The following RGS6 variants were observed in gnomAD, a reference collection of about 807,000 sequenced individuals.
RGS6 encodes regulator of G protein signaling 6.
A neutral mutation model predicts 78.5 loss-of-function variants in RGS6; 30 were observed. That is an observed-to-expected ratio of 0.38 (90% CI 0.29 to 0.52). The LOEUF (loss-of-function observed/expected upper bound fraction) is 0.52. Ranked by LOEUF, RGS6 falls within the 20% of genes least tolerant of loss-of-function variation. The probability of loss-of-function intolerance (pLI) is 0.85; values close to 1 mark genes in which losing one functional copy is unlikely to be tolerated. For missense variants in RGS6, 495 were observed against 609.7 expected, an observed-to-expected ratio of 0.81 and a Z score of 1.98; for synonymous variants, 206 against 206.0, an observed-to-expected ratio of 1.00 and a Z score of 0.00.
intron 2 of RGS6, among the ~76,000 whole-genome samples, chr14:72,055,487 A>G (rs1405630304): frequency 6.6e-6 from 1 of 152,188 alleles, no homozygotes; most frequent in East Asian, 1.9e-4. Context: ...TCTCCCAGTT[A>G]TCTCACTACT....
chr14:72,550,818 G>A lies in RGS6; in HGVS notation c.1422+10724G>A, dbSNP rs143821625. 1.3e-3 allele frequency: 640 copies of A among 510,002 alleles called. 1 individual carries two copies. The highest frequency in any genetic ancestry group is 5.6e-3 in the Middle Eastern group (9 of 1,606). 31.6% of individuals were successfully genotyped at this position (510,002 alleles called of 1,614,324 possible). A position where few individuals can be genotyped will look rare whatever the true frequency, so the allele number is the denominator to read the frequency against. ...ATCATAGCTTGCTTGCTTGCTTTTTGTTGTTGTTTTGGTTTGGTTTTTGGG... is the reference window on the plus strand; with the variant it reads ...ATCATAGCTTGCTTGCTTGCTTTTTATTGTTGTTTTGGTTTGGTTTTTGGG... On this transcript the variant is annotated intron_variant, in intron 17 of 17. Transcript: ENST00000553525.
At chr14:72,009,499 T>C (rs1426994997) in intron 2 of RGS6, among the ~76,000 whole-genome samples, 1 of 152,220 alleles carries the variant, frequency 6.6e-6, no homozygotes, top group Admixed American at 6.5e-5. Context: ...CTTGGAAACT[T>C]GCATTTGGTT....
At chr14:72,293,807 T>C (rs1026500866) in intron 2 of RGS6, among the ~76,000 whole-genome samples, 1 of 152,206 alleles carries the variant, frequency 6.6e-6, no homozygotes, top group African/African-American at 2.4e-5. Flanking sequence ...TTGCAAACCG[T>C]ATAGTCTCTG....
intron 17 of RGS6, among the ~76,000 whole-genome samples, chr14:72,550,132 C>CTG (rs386381741): frequency 9.6e-6 from 1 of 103,728 alleles, no homozygotes; most frequent in African/African-American, 7.4e-5. Context: ...CTTTTTTCCT[C>CTG]TCCATCTTTT....
At chr14:72,548,714 C>T (rs999282311) in intron 17 of RGS6, among the ~76,000 whole-genome samples, 2 of 152,048 alleles carry the variant, frequency 1.3e-5, no homozygotes, top group Non-Finnish European at 2.9e-5. Flanking sequence ...ATGTCTAGCC[C>T]CCCAGCAGAC....
At chr14:71,967,965 C>T (rs557108745) in intron 2 of RGS6, among the ~76,000 whole-genome samples, 1 of 152,280 alleles carries the variant, frequency 6.6e-6, no homozygotes, top group Non-Finnish European at 1.5e-5. Flanking sequence ...TTTCCCAAGG[C>T]ATGACTTATT....
intron 2 of RGS6, among the ~76,000 whole-genome samples, chr14:72,276,825 A>T (rs4578585): frequency 2.0e-5 from 3 of 151,790 alleles, no homozygotes; most frequent in Non-Finnish European, 4.4e-5. Context: ...CCAGTCTCAG[A>T]TATGTCTTTA....
rs546040597 is a variant in RGS6 at position 72,078,570 on chromosome 14, C to G, written c.84+113695C>G. Among the ~76,000 whole-genome samples, 8 of 152,216 alleles carry G rather than the reference C, an allele frequency of 5.3e-5. No individual in the cohort carries two copies. In the South Asian group the frequency reaches 6.2e-4, roughly 12 times the overall value. ...CTGGGATTACAGGCGCCCGTCACCA[C>G]GCCTAGCTAATTTTTGTATTTTTTT... is the stretch of plus-strand genomic sequence containing the variant. On this transcript the variant is annotated intron_variant, in intron 2 of 17. Transcript: ENST00000553525.
intron 2 of RGS6, among the ~76,000 whole-genome samples, chr14:72,313,499 G>A (rs1197908911): frequency 6.6e-6 from 1 of 152,130 alleles, no homozygotes; most frequent in African/African-American, 2.4e-5. Context: ...CCTGGGAGGG[G>A]GGGCTTGCAT....
intron 3 of RGS6, among the ~76,000 whole-genome samples, chr14:72,415,480 C>A (rs147108419): frequency 6.6e-6 from 1 of 152,244 alleles, no homozygotes; most frequent in East Asian, 1.9e-4. Context: ...TGACCCCTTG[C>A]GCTTCCTGGA....
chr14:72,224,265 C>A (rs557849097), intron 2 of RGS6, among the ~76,000 whole-genome samples: 1 of 151,920 alleles, frequency 6.6e-6, no homozygotes, highest in African/African-American at 2.4e-5. Flanking sequence ...CAAAAAAGTG[C>A]AAAAATTAGC....
At chr14:72,095,657 G>A (rs2095387231) in intron 2 of RGS6, among the ~76,000 whole-genome samples, 1 of 152,204 alleles carries the variant, frequency 6.6e-6, no homozygotes, top group Admixed American at 6.5e-5. Context: ...CATTCACAAG[G>A]AACAGAGAGG....
intron 2 of RGS6, among the ~76,000 whole-genome samples, chr14:72,199,460 ATCTT>A (rs1355078174): frequency 1.3e-5 from 2 of 152,216 alleles, no homozygotes; most frequent in African/African-American, 4.8e-5. Flanking sequence ...AAGAGATTTT[ATCTT>A]TCTTTTAGAA....
In RGS6 at chr14:72,441,285, G is replaced by A. The variant is rs1407392922; in HGVS notation, c.185-13243G>A. On this transcript the variant is annotated intron_variant, in intron 3 of 17. Transcript: ENST00000553525. ...CCCTTCAGTGTCCCTTCCTCTCCCT[G>A]CAGGAACCAGAAAAAGTGTGGAGGT... 2.6e-5 allele frequency among the ~76,000 whole-genome samples: 4 copies of A among 152,182 alleles called. No homozygotes were observed. In the South Asian group the frequency reaches 6.2e-4, roughly 24 times the overall value.
chr14:71,901,992 T>G, the RGS6 span, among the ~76,000 whole-genome samples: 4 of 152,212 alleles, frequency 2.6e-5, no homozygotes, highest in South Asian at 8.3e-4. Flanking sequence ...TTCTAGCCTT[T>G]GTAAAGATGT....
intron 15 of RGS6, among the ~76,000 whole-genome samples, chr14:72,522,123 G>C (rs754686040): frequency 1.3e-5 from 2 of 152,200 alleles, no homozygotes; most frequent in Non-Finnish European, 2.9e-5. Context: ...ATTTATCACA[G>C]TTCTCGAGAC....
At chr14:72,247,853 G>C (rs1184765195) in intron 2 of RGS6, among the ~76,000 whole-genome samples, 1 of 152,128 alleles carries the variant, frequency 6.6e-6, no homozygotes, top group Non-Finnish European at 1.5e-5. Flanking sequence ...ACAACATAAA[G>C]ACCCTCACCA....
At chr14:72,010,814 C>T (rs774377061) in intron 2 of RGS6, among the ~76,000 whole-genome samples, 3 of 152,192 alleles carry the variant, frequency 2.0e-5, no homozygotes, top group Non-Finnish European at 2.9e-5. Context: ...CCTGAAGGAA[C>T]GTGATGTTAA....
At chr14:72,051,118 A>T (rs2093211443) in intron 2 of RGS6, among the ~76,000 whole-genome samples, 1 of 152,210 alleles carries the variant, frequency 6.6e-6, no homozygotes, top group African/African-American at 2.4e-5. Flanking sequence ...AACTTTGTTA[A>T]ATTTCCCTAG....
Sources: gnomAD v4.1 joint callset for allele counts (sites outside exome capture counted in the v4.1 genomes callset) on GRCh38, gnomAD v4.1.1 for gene constraint, MANE v1.5 for transcripts, NCBI Gene and HGNC (gene_info 2026-07-23, HGNC 2026-07-21) for gene names.